Variants in MAP7 observed in about 807,000 individuals in gnomAD.
MAP7 encodes the protein ensconsin.
A neutral mutation model predicts 94.8 loss-of-function variants in MAP7; 52 were observed. That is an observed-to-expected ratio of 0.55 (90% CI 0.44 to 0.69). The LOEUF (loss-of-function observed/expected upper bound fraction) is 0.69. Ranked by LOEUF, MAP7 falls within the 30% of genes least tolerant of loss-of-function variation. MAP7 has a pLI of 0.00. For missense variants in MAP7, 940 were observed against 964.6 expected (o/e 0.97, Z 0.34); for synonymous variants, 350 against 357.0 (o/e 0.98, Z 0.22).
At position 136,381,877 on chromosome 6, in the gene MAP7, T is replaced by C. The variant is rs375339963; in HGVS notation, c.637+1794A>G. Reference sequence around the variant, plus strand: ...CTCTACTCCTTACCACTTCTAACCTTACACACACACACACACACACACACA... The same window carrying C: ...CTCTACTCCTTACCACTTCTAACCTCACACACACACACACACACACACACA... On this transcript the variant is annotated intron_variant, in intron 6 of 17. Transcript: ENST00000354570. Among the ~76,000 whole-genome samples, 154 of 93,016 alleles carry C rather than the reference T, an allele frequency of 1.7e-3. 1 individual carries two copies. Among genetic ancestry groups the C allele is most frequent in the Middle Eastern group, 5.6e-3 (1 of 178 alleles). The allele number at this position is 93,016 out of a possible 152,430, so 61.0% of individuals were successfully genotyped here.
chr6:136,410,764 T>C (rs1321683791), intron 3 of MAP7, among the ~76,000 whole-genome samples: 2 of 152,120 alleles, frequency 1.3e-5, no homozygotes, highest in South Asian at 2.1e-4. Context: ...AGGGATGAGA[T>C]ATAGGGGCAG....
intron 11 of MAP7, 114 bp from the exon 12 acceptor site, chr6:136,361,293 TC>T (rs1396676765): frequency 2.9e-6 from 3 of 1,050,856 alleles, no homozygotes; most frequent in Non-Finnish European, 4.2e-6. Context: ...AGTAGAAAAA[TC>T]CCCACTGGAT....
chr6:136,510,584 G>A (rs571585346), intron 1 of MAP7, among the ~76,000 whole-genome samples: 55 of 152,234 alleles, frequency 3.6e-4, no homozygotes, highest in African/African-American at 7.2e-4. Context: ...GCTCACACAC[G>A]GCAGTCCACC....
intron 2 of MAP7, among the ~76,000 whole-genome samples, chr6:136,418,131 CA>C: frequency 6.6e-6 from 1 of 152,270 alleles, no homozygotes; most frequent in Admixed American, 6.5e-5. Flanking sequence ...CATTTGAGAG[CA>C]ATGGTCGTTC....
intron 1 of MAP7, among the ~76,000 whole-genome samples, chr6:136,481,026 C>T (rs1026082301): frequency 1.3e-5 from 2 of 152,090 alleles, no homozygotes; most frequent in African/African-American, 4.8e-5. Context: ...AGGTGCTCAC[C>T]ATCATTGATT....
At chr6:136,389,220 T>C (rs1157419937) in intron 4 of MAP7, 134 bp downstream of exon 4, 1 of 1,373,580 alleles carries the variant, frequency 7.3e-7, no homozygotes, top group Non-Finnish European at 9.5e-7. Context: ...CTAGAAACTG[T>C]AGCCATCTGT....
At chr6:136,367,500 C>G (rs1175617450) in intron 8 of MAP7, among the ~76,000 whole-genome samples, 1 of 152,198 alleles carries the variant, frequency 6.6e-6, no homozygotes, top group Non-Finnish European at 1.5e-5. Flanking sequence ...TTGTTCCCCT[C>G]AGTGTCCCTT....
intron 1 of MAP7, among the ~76,000 whole-genome samples, chr6:136,469,078 T>C (rs1354664745): frequency 6.6e-6 from 1 of 152,148 alleles, no homozygotes; most frequent in Non-Finnish European, 1.5e-5. Context: ...AAGGTTTTTG[T>C]ATACGACAAG....
chr6:136,504,983 A>G (rs9376190), intron 1 of MAP7, among the ~76,000 whole-genome samples: 11,249 of 151,100 alleles, frequency 0.074, 901 homozygotes, highest in African/African-American at 0.2. Context: ...CCCAGCCAAA[A>G]TATTTAAAAT....
At chr6:136,541,104 T>C (rs1181607835) in intron 1 of MAP7, among the ~76,000 whole-genome samples, 1 of 152,184 alleles carries the variant, frequency 6.6e-6, no homozygotes, top group East Asian at 1.9e-4. Flanking sequence ...AACCAGGTCC[T>C]GTCTGGTGCG....
chr6:136,383,898 T>C, intron 5 of MAP7, 117 bp from the exon 6 acceptor site: 1 of 647,504 alleles, frequency 1.5e-6, no homozygotes. Flanking sequence ...TCTAGATCTG[T>C]CATAATAACA....
At chr6:136,433,199 C>A (rs1037230829) in intron 1 of MAP7, among the ~76,000 whole-genome samples, 1 of 152,078 alleles carries the variant, frequency 6.6e-6, no homozygotes, top group African/African-American at 2.4e-5. Flanking sequence ...TACTCTTCTG[C>A]CCCTTTCTTT....
intron 3 of MAP7, among the ~76,000 whole-genome samples, chr6:136,400,291 C>G (rs1021576374): frequency 1.3e-5 from 2 of 151,942 alleles, no homozygotes; most frequent in Non-Finnish European, 2.9e-5. Context: ...TGGTGGGCGC[C>G]TGTAGTCCCA....
chr6:136,451,206 A>T (rs1437927090), intron 1 of MAP7, among the ~76,000 whole-genome samples: 1 of 152,162 alleles, frequency 6.6e-6, no homozygotes, highest in African/African-American at 2.4e-5. Flanking sequence ...CCTCCCCATA[A>T]CAGGTTTTCT....
intron 7 of MAP7, among the ~76,000 whole-genome samples, chr6:136,373,260 T>C (rs941934605): frequency 1.3e-5 from 2 of 152,222 alleles, no homozygotes; most frequent in South Asian, 2.1e-4. Flanking sequence ...ATTCTGTACA[T>C]GTCTTATTTA....
chr6:136,507,613 T>G (rs950751017), intron 1 of MAP7, among the ~76,000 whole-genome samples: 1 of 152,190 alleles, frequency 6.6e-6, no homozygotes. Context: ...ACTACTAAGA[T>G]AAAGCTGTTG....
chr6:136,370,601 ATGC>A (rs1774158932), intron 8 of MAP7, among the ~76,000 whole-genome samples: 1 of 152,238 alleles, frequency 6.6e-6, no homozygotes, highest in Non-Finnish European at 1.5e-5. Flanking sequence ...ATTCTGACAT[ATGC>A]TATAATAAGA....
intron 1 of MAP7, among the ~76,000 whole-genome samples, chr6:136,467,898 G>A (rs527710476): frequency 6.6e-6 from 1 of 152,172 alleles, no homozygotes; most frequent in South Asian, 2.1e-4. Flanking sequence ...TAGCCCCTTT[G>A]AGCAGTTGGA....
chr6:136,402,225 G>A (rs569072387), intron 3 of MAP7, among the ~76,000 whole-genome samples: 1 of 152,274 alleles, frequency 6.6e-6, no homozygotes, highest in African/African-American at 2.4e-5. Flanking sequence ...CACTCCAGAC[G>A]GTAGCTACTC....
Sources: gnomAD v4.1 joint callset for allele counts (sites outside exome capture counted in the v4.1 genomes callset) on GRCh38, gnomAD v4.1.1 for gene constraint, MANE v1.5 for transcripts, NCBI Gene and HGNC (gene_info 2026-07-23, HGNC 2026-07-21) for gene names.